The following NBPF11 variants were observed in gnomAD, a reference collection of about 807,000 sequenced individuals.
NBPF11 encodes NBPF family member NBPF11.
NBPF11 carries 72 observed loss-of-function variants against 93.9 expected under a neutral mutation model. That is an observed-to-expected ratio of 0.77 (90% CI 0.63 to 0.93). The LOEUF is 0.93. Among genes scored for constraint, NBPF11 ranks in the 40% least tolerant of loss-of-function variants. The pLI, the probability that NBPF11 is intolerant of heterozygous loss-of-function variation, is 0.00. For missense variants in NBPF11, 705 were observed against 802.2 expected (o/e 0.88, Z 1.46); for synonymous variants, 224 against 304.9 (o/e 0.73, Z 2.76).
intron 17 of NBPF11, among the ~76,000 whole-genome samples, 188 bp from the exon 18 acceptor site, chr1:148,108,842 G>GACACACACACACAC (rs71270029): frequency 2.7e-4 from 31 of 112,892 alleles, no homozygotes; most frequent in South Asian, 3.5e-4. Flanking sequence ...GAAAGAGAAA[G>GACACACACACACAC]ACACACACAC....
Position 148,114,319 on chromosome 1 carries a change from C to T in NBPF11, c.1637+118G>A, listed in dbSNP as rs1665972072. The T allele has an allele frequency of 7.1e-6, 5 of 702,202 alleles. No individual in the cohort carries two copies. The Admixed American group carries it at 1.0e-4, about 14-fold the overall frequency. The allele number at this position is 702,202 out of a possible 1,614,324, so 43.5% of individuals were successfully genotyped here. ...TGACATACAACATTGTAAATCAGCA[C>T]AATTTGTAGCTGGGTGAATGGAAGA... On this transcript the variant is annotated intron_variant, in intron 15 of 23. Transcript: ENST00000682118.
chr1:148,142,555 T>TG (rs1264980453), intron 2 of NBPF11, among the ~76,000 whole-genome samples: 1 of 151,982 alleles, frequency 6.6e-6, no homozygotes, highest in Non-Finnish European at 1.5e-5. Context: ...TCATTCTCAC[T>TG]GGACTTCCCT....
intron 6 of NBPF11, among the ~76,000 whole-genome samples, 158 bp from the exon 7 acceptor site, chr1:148,124,225 G>A (rs1340027304): frequency 5.3e-5 from 8 of 151,890 alleles, no homozygotes; most frequent in Non-Finnish European, 1.0e-4. Flanking sequence ...AGAAAGAACA[G>A]AAAATGGTCT....
chr1:148,140,141 C>T (rs1250943229), intron 2 of NBPF11, among the ~76,000 whole-genome samples: 20 of 152,044 alleles, frequency 1.3e-4, no homozygotes, highest in African/African-American at 4.8e-4. Context: ...ATACAGTCCA[C>T]TGATCTTCCA....
At chr1:148,149,702 C>G in intron 1 of NBPF11, 1 of 609,790 alleles carries the variant, frequency 1.6e-6, no homozygotes, top group Non-Finnish European at 2.9e-6. Flanking sequence ...GGGCTGTGGA[C>G]GATGTACAGG....
chr1:148,124,822 A>T, intron 6 of NBPF11, 77 bp downstream of exon 6: 2 of 1,531,762 alleles, frequency 1.3e-6, no homozygotes, highest in Non-Finnish European at 1.8e-6. Context: ...CTTCGTTCTT[A>T]CTTCTCCCCG....
Position 148,103,728 on chromosome 1 carries a change from T to C in NBPF11, c.*168A>G. ...AGGTGGAGACTTCTCACCGTCAAAG[T>C]AAAAAACCTATTGTCCATGTCAAGG... On this transcript the variant is annotated 3_prime_UTR_variant, in exon 24 of 24. Transcript: ENST00000682118. 6.2e-7 allele frequency: 1 copy of C among 1,611,458 alleles called. No individual in the cohort carries two copies. Among genetic ancestry groups the C allele is most frequent in the Non-Finnish European group, 8.5e-7 (1 of 1,179,344 alleles).
At chr1:148,142,014 GAGGAAGGA>G in intron 2 of NBPF11, among the ~76,000 whole-genome samples, 1 of 128,640 alleles carries the variant, frequency 7.8e-6, no homozygotes, top group African/African-American at 2.8e-5. Flanking sequence ...AGGAGGGAGG[GAGGAAGGA>G]AGGAAGGGAG....
Position 148,147,016 on chromosome 1 carries a change from C to T in NBPF11, c.-548-3330G>A, listed in dbSNP as rs1169415440. 75 of 1,293,030 alleles carry T rather than the reference C, an allele frequency of 5.8e-5. No homozygotes were observed. The East Asian group carries it at 1.7e-3, about 29-fold the overall frequency. 80.1% of individuals were successfully genotyped at this position (1,293,030 alleles called of 1,614,324 possible). ...CGGGCTTCCCTGGGAGGAAGGTGGGCGGCCCTGCAGGAGGGGAGCCACAGT... is the reference window on the plus strand; with the variant it reads ...CGGGCTTCCCTGGGAGGAAGGTGGGTGGCCCTGCAGGAGGGGAGCCACAGT... On this transcript the variant is annotated intron_variant, in intron 1 of 23. Coordinates refer to ENST00000682118, the MANE Select transcript of NBPF11 (RefSeq NM_001385469.3).
intron 10 of NBPF11, among the ~76,000 whole-genome samples, chr1:148,118,960 A>G (rs1334183832): frequency 7.5e-6 from 1 of 133,138 alleles, no homozygotes; most frequent in South Asian, 2.4e-4. Flanking sequence ...TGACAAGATG[A>G]TTCAACCACA....
rs1667647648 is a variant in NBPF11, at chr1:148,120,819, T to A, written c.779-109A>T. On this transcript the variant is annotated intron_variant, in intron 9 of 23. Coordinates refer to ENST00000682118, the MANE Select transcript of NBPF11 (RefSeq NM_001385469.3). ...GTAGCCTTGTTTACTTATTTGAAGA[T>A]GTTGTTTCCCTGGTTTCACTCTTGT... The A allele has an allele frequency of 5.1e-5, 45 of 883,798 alleles. 2 individuals are homozygous for A. The highest frequency in any genetic ancestry group is 4.6e-4 in the South Asian group (35 of 76,260). The allele number at this position is 883,798 out of a possible 1,614,324, so 54.7% of individuals were successfully genotyped here.
chr1:148,103,968 C>T, intron 23 of NBPF11, 56 bp from the exon 24 acceptor site: 2 of 1,609,828 alleles, frequency 1.2e-6, no homozygotes, highest in Non-Finnish European at 1.7e-6. Context: ...CACCACAGAG[C>T]CCCACTAGAT....
chr1:148,120,594 G>T lies in NBPF11; in HGVS notation c.895C>A (p.Leu299Met). The T allele has an allele frequency of 6.7e-7, 1 of 1,488,734 alleles. No individual in the cohort carries two copies. Among genetic ancestry groups the T allele is most frequent in the South Asian group, 1.1e-5 (1 of 88,802 alleles). The allele number at this position is 1,488,734 out of a possible 1,614,324, so 92.2% of individuals were successfully genotyped here. The change falls in exon 10 of 24, where the codon CTG becomes ATG. Residue 299 changes from leucine to methionine, a missense_variant. Physicochemically the swap from Leu to Met is conservative, Grantham distance 15 (BLOSUM62 2). Coordinates refer to ENST00000682118, the MANE Select transcript of NBPF11 (RefSeq NM_001385469.3). ...LEINEKLCPQLAEKKQQFRSL... is the reference protein window; with the variant it reads ...LEINEKLCPQMAEKKQQFRSL... ...CTGAACTGCTGTTTCTTCTCTGCCA[G>T]CTGGGGGCACAATTTCTCATTGATT...
intron 10 of NBPF11, among the ~76,000 whole-genome samples, chr1:148,120,045 C>G (rs1382494858): frequency 6.6e-6 from 1 of 151,440 alleles, no homozygotes; most frequent in African/African-American, 2.4e-5. Flanking sequence ...CGGGTACTGG[C>G]TACTATCACC....
intron 9 of NBPF11, among the ~76,000 whole-genome samples, chr1:148,121,497 A>T (rs1356975953): frequency 6.6e-6 from 1 of 150,476 alleles, no homozygotes; most frequent in Non-Finnish European, 1.5e-5. Flanking sequence ...ACAGGCGCCC[A>T]CCACCGCGCC....
intron 6 of NBPF11, among the ~76,000 whole-genome samples, chr1:148,124,310 A>C (rs1668575236): frequency 1.3e-5 from 2 of 151,900 alleles, no homozygotes; most frequent in African/African-American, 4.8e-5. Flanking sequence ...CCTTCTGTAA[A>C]TAAAAGTAGG....
chr1:148,120,705 C>T lies in NBPF11; in HGVS notation c.784G>A (p.Gly262Ser). 3 of 1,510,696 alleles carry T rather than the reference C, an allele frequency of 2.0e-6. No individual in the cohort carries two copies. The highest frequency in any genetic ancestry group is 1.1e-5 in the South Asian group (1 of 88,962). 93.6% of individuals were successfully genotyped at this position (1,510,696 alleles called of 1,614,324 possible). A position where few individuals can be genotyped will look rare whatever the true frequency, so the allele number is the denominator to read the frequency against. ...ACGTTTGTGGCAGAAGAGGTGGGGC[C>T]AGGGACTGGGGAGAAGAAAGGCAAA... Reference protein sequence around the residue: ...QDALNILPVPGPTSSATNVSM... With the variant: ...QDALNILPVPSPTSSATNVSM... The change falls in exon 10 of 24, where the codon GGC becomes AGC. Residue 262 changes from glycine to serine, a missense_variant. Transcript: ENST00000682118.
intron 21 of NBPF11, among the ~76,000 whole-genome samples, chr1:148,105,776 T>A (rs587752761): frequency 1.4e-4 from 18 of 125,048 alleles, no homozygotes; most frequent in East Asian, 6.9e-4. Context: ...ACACACACAC[T>A]GAGAGAGAGA....
chr1:148,138,062 A>G (rs1167115771), intron 2 of NBPF11, among the ~76,000 whole-genome samples: 1 of 151,142 alleles, frequency 6.6e-6, no homozygotes, highest in East Asian at 2.0e-4. Context: ...GGACAATAGG[A>G]TAATAGTGGA....
Sources: allele counts gnomAD v4.1 joint callset (sites outside exome capture counted in the v4.1 genomes callset), GRCh38; gene constraint gnomAD v4.1.1; transcripts MANE v1.5; gene names NCBI Gene and HGNC (gene_info 2026-07-23, HGNC 2026-07-21).